SAMD3: variants seen among roughly 807,000 people sequenced by gnomAD.
SAMD3 encodes sterile alpha motif domain containing 3.
SAMD3 carries 63 observed loss-of-function variants against 58.5 expected under a neutral mutation model. The observed-to-expected ratio is 1.08, with a 90% CI of 0.88 to 1.33. The LOEUF is 1.33. Ranked by LOEUF, SAMD3 falls within the 40% of genes most tolerant of loss-of-function variation. The probability of loss-of-function intolerance (pLI) is 0.00; values close to 1 mark genes in which losing one functional copy is unlikely to be tolerated. For missense variants in SAMD3, 604 were observed against 608.4 expected (o/e 0.99, Z 0.08); for synonymous variants, 220 against 210.3 (o/e 1.05, Z -0.40).
chr6:130,350,303 G>C (rs1213362650), intron 1 of SAMD3, among the ~76,000 whole-genome samples: 1 of 152,140 alleles, frequency 6.6e-6, no homozygotes, highest in East Asian at 1.9e-4. Flanking sequence ...CAGATGACAT[G>C]ATTGTATATC....
chr6:130,191,794 A>C (rs1317617532), intron 5 of SAMD3, among the ~76,000 whole-genome samples: 1 of 152,174 alleles, frequency 6.6e-6, no homozygotes, highest in Non-Finnish European at 1.5e-5. Flanking sequence ...AATGGTCTGT[A>C]ATTTCTTAAA....
At chr6:130,230,837 A>G (rs1211183550) in intron 2 of SAMD3, among the ~76,000 whole-genome samples, 1 of 152,226 alleles carries the variant, frequency 6.6e-6, no homozygotes, top group East Asian at 1.9e-4. Context: ...TAGTCAACAT[A>G]AATAAATATG....
chr6:130,349,978 T>C (rs575793587), intron 1 of SAMD3, among the ~76,000 whole-genome samples: 2 of 152,322 alleles, frequency 1.3e-5, no homozygotes, highest in African/African-American at 2.4e-5. Context: ...AACCACATGA[T>C]TATCTCAATA....
At chr6:130,219,881 G>A (rs1796146259) in intron 1 of SAMD3, among the ~76,000 whole-genome samples, 1 of 152,126 alleles carries the variant, frequency 6.6e-6, no homozygotes, top group African/African-American at 2.4e-5. Context: ...GTCTCCATTG[G>A]TTCTTTTTAT....
At chr6:130,336,230 T>C (rs897220315) in intron 1 of SAMD3, among the ~76,000 whole-genome samples, 2 of 152,190 alleles carry the variant, frequency 1.3e-5, no homozygotes, top group East Asian at 3.8e-4. Flanking sequence ...AAATTATCTC[T>C]TTAATTACCA....
chr6:130,350,751 C>A (rs1366493259), intron 1 of SAMD3, among the ~76,000 whole-genome samples: 1 of 152,160 alleles, frequency 6.6e-6, no homozygotes, highest in South Asian at 2.1e-4. Flanking sequence ...CAAAAAAGAG[C>A]CCACATTGCC....
chr6:130,184,191 T>C lies in SAMD3; in HGVS notation c.570-4A>G, dbSNP rs766624371. On this transcript the variant is annotated splice_polypyrimidine_tract_variant and splice_region_variant and intron_variant, in intron 6 of 11. Coordinates refer to ENST00000439090, the MANE Select transcript of SAMD3 (RefSeq NM_001017373.4). ...GTACTGCTGGGTGCTGGGGTACCTG[T>C]TCACCAAAACAAGGAGGATATGTTT... is the stretch of plus-strand genomic sequence containing the variant. 37 of 1,601,620 alleles carry C rather than the reference T, an allele frequency of 2.3e-5. No homozygotes were observed. The highest frequency in any genetic ancestry group is 3.0e-5 in the Non-Finnish European group (35 of 1,171,752).
At chr6:130,309,288 T>A (rs1776057990) in intron 2 of SAMD3, among the ~76,000 whole-genome samples, 4 of 152,214 alleles carry the variant, frequency 2.6e-5, no homozygotes, top group African/African-American at 9.7e-5. Flanking sequence ...AATTCTGTGT[T>A]TATAACCCAG....
intron 1 of SAMD3, among the ~76,000 whole-genome samples, chr6:130,339,388 G>T (rs977841488): frequency 6.6e-6 from 1 of 152,264 alleles, no homozygotes; most frequent in Non-Finnish European, 1.5e-5. Flanking sequence ...CATCCTACAT[G>T]TCAAGGGAGG....
intron 5 of SAMD3, among the ~76,000 whole-genome samples, chr6:130,188,593 G>C (rs559789810): frequency 2.6e-5 from 4 of 152,186 alleles, no homozygotes; most frequent in East Asian, 1.9e-4. Context: ...CCTTCATCCT[G>C]CTTTTCCCTA....
chr6:130,214,463 T>C lies in SAMD3; in HGVS notation c.143A>G (p.Lys48Arg), dbSNP rs754363193. ...LNDRMVQQLV[K>R]KIGHQAVLMD... ...CAGAACAGCCTGGTGCCCAATTTTC[T>C]TTACCAGTTGCTGAACCATCCGATC... Residue 48 changes from lysine (K) to arginine (R), a missense_variant, in exon 4 of 12, where the codon AAG becomes AGG. Coordinates refer to ENST00000439090, the MANE Select transcript of SAMD3 (RefSeq NM_001017373.4). 2 of 1,613,396 alleles carry C rather than the reference T, an allele frequency of 1.2e-6. No homozygotes were observed. The highest frequency in any genetic ancestry group is 8.5e-7 in the Non-Finnish European group (1 of 1,179,656).
chr6:130,201,687 C>G (rs1794664535), intron 5 of SAMD3, among the ~76,000 whole-genome samples: 1 of 152,150 alleles, frequency 6.6e-6, no homozygotes, highest in African/African-American at 2.4e-5. Context: ...TATCACATTC[C>G]AAAAATAATC....
At chr6:130,147,799 T>G (rs1788770006) in intron 9 of SAMD3, among the ~76,000 whole-genome samples, 1 of 152,232 alleles carries the variant, frequency 6.6e-6, no homozygotes, top group African/African-American at 2.4e-5. Flanking sequence ...TAGTCTCCAG[T>G]CTGAAACAAC....
intron 8 of SAMD3, 171 bp downstream of exon 8, chr6:130,175,670 T>C: frequency 2.3e-6 from 1 of 444,144 alleles, no homozygotes; most frequent in Non-Finnish European, 3.9e-6. Flanking sequence ...CTTGGAAATA[T>C]CACGCTCATT....
intron 2 of SAMD3, among the ~76,000 whole-genome samples, chr6:130,253,243 C>A (rs1336675349): frequency 6.6e-6 from 1 of 152,042 alleles, no homozygotes; most frequent in African/African-American, 2.4e-5. Context: ...AATAAGTGAG[C>A]TCTTTTTCTT....
intron 5 of SAMD3, among the ~76,000 whole-genome samples, chr6:130,186,628 T>C (rs1489194014): frequency 1.3e-5 from 2 of 152,150 alleles, no homozygotes; most frequent in Admixed American, 1.3e-4. Flanking sequence ...GAATTACTCT[T>C]TCACAATCCT....
chr6:130,167,447 G>T (rs1790828747), intron 8 of SAMD3, among the ~76,000 whole-genome samples: 1 of 152,072 alleles, frequency 6.6e-6, no homozygotes, highest in South Asian at 2.1e-4. Context: ...AACACCTAAG[G>T]ATTATGACAA....
chr6:130,158,932 T>A (rs1790040636), intron 8 of SAMD3, among the ~76,000 whole-genome samples: 1 of 152,166 alleles, frequency 6.6e-6, no homozygotes, highest in Admixed American at 6.5e-5. Flanking sequence ...TATGCAAATG[T>A]CTGATTGGTT....
intron 2 of SAMD3, among the ~76,000 whole-genome samples, chr6:130,312,118 G>T (rs200491973): frequency 2.0e-5 from 3 of 152,196 alleles, no homozygotes; most frequent in African/African-American, 4.8e-5. Context: ...TCTGTGGCTT[G>T]TAGCTAAAAG....
Sources: gnomAD v4.1 joint callset for allele counts (sites outside exome capture counted in the v4.1 genomes callset) on GRCh38, gnomAD v4.1.1 for gene constraint, MANE v1.5 for transcripts, NCBI Gene and HGNC (gene_info 2026-07-23, HGNC 2026-07-21) for gene names.